TMC5: variants seen among roughly 807,000 people sequenced by gnomAD.
TMC5 encodes the protein transmembrane channel-like protein 5.
In TMC5, 86 loss-of-function variants were observed where a neutral mutation model predicts 110.5. The ratio of observed to expected loss-of-function variants is 0.78; its 90% CI spans 0.65 to 0.93. The LOEUF is 0.93. Ranked by LOEUF, TMC5 falls within the 40% of genes least tolerant of loss-of-function variation. The pLI, the probability that TMC5 is intolerant of heterozygous loss-of-function variation, is 0.00. For synonymous variants in TMC5, 455 were observed against 439.5 expected, an observed-to-expected ratio of 1.04 and a Z score of -0.44; for missense variants, 1,144 against 1,222.8, an observed-to-expected ratio of 0.94 and a Z score of 0.96.
chr16:19,446,058 A>C, intron 4 of TMC5, among the ~76,000 whole-genome samples: 1 of 52,530 alleles, frequency 1.9e-5, no homozygotes. Flanking sequence ...AAAGGAAGGG[A>C]GTGGAGGGGA....
intron 5 of TMC5, among the ~76,000 whole-genome samples, chr16:19,457,720 T>TTTTTTTTTTTTG (rs1967920167): frequency 1.2e-5 from 1 of 86,052 alleles, no homozygotes; most frequent in Non-Finnish European, 2.1e-5. Context: ...TTTTTTTTTT[T>TTTTTTTTTTTTG]TTTTTTTTTT....
At chr16:19,465,814 C>T (rs1244038062) in intron 8 of TMC5, among the ~76,000 whole-genome samples, 2 of 152,144 alleles carry the variant, frequency 1.3e-5, no homozygotes, top group Non-Finnish European at 2.9e-5. Flanking sequence ...GCCTGGCTGT[C>T]GTGTTCTTGC....
In TMC5 at chr16:19,468,060, C is replaced by T. The variant is rs190610927; in HGVS notation, c.1638-1621C>T. ...TGTGATCTTGGCTCACTGCAACCTC[C>T]GCTTCTCGGGTTCAAGTGATTCTCC... On this transcript the variant is annotated intron_variant, in intron 9 of 21. Coordinates refer to ENST00000542583, the MANE Select transcript of TMC5 (RefSeq NM_001261841.2). Among the ~76,000 whole-genome samples, 715 of 152,096 alleles carry T rather than the reference C, an allele frequency of 4.7e-3. 4 individuals carry two copies. Among genetic ancestry groups the T allele is most frequent in the African/African-American group, 0.016 (679 of 41,476 alleles).
chr16:19,487,156 G>T, intron 16 of TMC5, 37 bp from the exon 17 acceptor site: 1 of 1,604,388 alleles, frequency 6.2e-7, no homozygotes, highest in Admixed American at 1.7e-5. Flanking sequence ...CCGCTGCTCC[G>T]GCTGCAGATG....
Position 19,472,145 on chromosome 16 carries a change from A to AC in TMC5, c.1843dup (p.Arg615ProfsTer28), listed in dbSNP as rs1285466760. On this transcript the variant is annotated frameshift_variant, in exon 11 of 22. Transcript: ENST00000542583. LOFTEE classifies it high-confidence loss of function. ...CAAGTTGACGTTCAATCAGCTGCTG[A>AC]CCCGCTTCTCTGCCTACATGGTAGC... 1 of 1,614,032 alleles carries AC rather than the reference A, an allele frequency of 6.2e-7. No individual in the cohort carries two copies. Among genetic ancestry groups the AC allele is most frequent in the Admixed American group, 1.7e-5 (1 of 60,002 alleles).
chr16:19,488,231 TA>T (rs1037346982), intron 17 of TMC5, among the ~76,000 whole-genome samples: 1 of 152,022 alleles, frequency 6.6e-6, no homozygotes, highest in African/African-American at 2.4e-5. Flanking sequence ...AACATCAGAA[TA>T]AAAAGACATG....
chr16:19,479,945 A>G (rs79533449), intron 14 of TMC5, among the ~76,000 whole-genome samples: 5,876 of 150,980 alleles, frequency 0.039, 200 homozygotes, highest in East Asian at 0.13. Context: ...AAAAAAAAAA[A>G]AAGAAGAAGA....
Position 19,440,283 on chromosome 16 carries a change from A to T in TMC5, c.245A>T (p.Asp82Val). The T allele has an allele frequency of 6.2e-7, 1 of 1,614,104 alleles. No individual in the cohort carries two copies. Among genetic ancestry groups the T allele is most frequent in the African/African-American group, 1.3e-5 (1 of 74,992 alleles). ...TATCCTAGATCTCTGAGTAATCCAG[A>T]CTATTCTGGCACCAGAAGCAATGCA... ...PNYPRSLSNP[D>V]YSGTRSNAYS... is the part of the protein sequence containing the mutation. The change falls in exon 3 of 22, where the codon GAC becomes GTC. Residue 82 changes from aspartate (D) to valine (V), a missense_variant. Asp to Val is a radical substitution (Grantham distance 152). Coordinates refer to ENST00000542583, the MANE Select transcript of TMC5 (RefSeq NM_001261841.2).
Position 19,459,352 on chromosome 16 carries a change from A to AT in TMC5, c.1049-882dup, listed in dbSNP as rs150330602. On this transcript the variant is annotated intron_variant, in intron 5 of 21. Transcript: ENST00000542583. ...ATAGCATCTGCCACATTGACTGCAA[A>AT]TGTGAATATGAGTTAGCAGGAGAAA... 6.7e-3 allele frequency among the ~76,000 whole-genome samples: 1,015 copies of AT among 152,282 alleles called. 9 individuals carry two copies. The highest frequency in any genetic ancestry group is 0.023 in the African/African-American group (942 of 41,574).
At chr16:19,457,021 T>G (rs1164231467) in intron 5 of TMC5, 3 of 1,592,894 alleles carry the variant, frequency 1.9e-6, no homozygotes, top group Admixed American at 1.7e-5. Flanking sequence ...TTCAAGGTAG[T>G]GAAATGCTGG....
intron 17 of TMC5, among the ~76,000 whole-genome samples, chr16:19,488,490 C>T (rs1360331341): frequency 6.6e-6 from 1 of 152,092 alleles, no homozygotes; most frequent in Non-Finnish European, 1.5e-5. Context: ...CCCACCTCTC[C>T]AACCCCACTT....
At position 19,493,813 on chromosome 16, in the gene TMC5, C is replaced by G. The variant is rs116041579; in HGVS notation, c.2827-449C>G. Among the ~76,000 whole-genome samples the G allele has an allele frequency of 3.6e-3, 544 of 152,328 alleles. 4 individuals carry two copies. Among genetic ancestry groups the G allele is most frequent in the African/African-American group, 0.013 (524 of 41,572 alleles). On this transcript the variant is annotated intron_variant, in intron 19 of 21. Coordinates refer to ENST00000542583, the MANE Select transcript of TMC5 (RefSeq NM_001261841.2). ...AACCATTTACCACTTCCCCTCCCCA[C>G]TTCCTCTTTTCTTTTTATTGTTAAA...
chr16:19,496,887 C>CAAAAAAAAAAAA (rs67040638), intron 20 of TMC5, among the ~76,000 whole-genome samples: 20 of 80,242 alleles, frequency 2.5e-4, no homozygotes, highest in African/African-American at 1.0e-3. Context: ...AAGACTCTGT[C>CAAAAAAAAAAAA]AAAAAAAAAA....
intron 17 of TMC5, among the ~76,000 whole-genome samples, chr16:19,490,119 C>T (rs1032592038): frequency 1.3e-5 from 2 of 152,116 alleles, no homozygotes; most frequent in Non-Finnish European, 2.9e-5. Context: ...AGTCTGACTG[C>T]CCCCATTCAT....
At chr16:19,460,374 C>G in intron 6 of TMC5, 40 bp downstream of exon 6, 2 of 1,397,666 alleles carry the variant, frequency 1.4e-6, no homozygotes, top group South Asian at 2.4e-5. Context: ...AGATTTCATG[C>G]GAACCTCAAT....
chr16:19,451,335 T>G (rs1239827659), intron 5 of TMC5, among the ~76,000 whole-genome samples: 2 of 152,172 alleles, frequency 1.3e-5, no homozygotes, highest in Non-Finnish European at 2.9e-5. Flanking sequence ...AGCCTCATCC[T>G]TCAAGAGATG....
At chr16:19,486,381 C>A (rs554967875) in intron 15 of TMC5, among the ~76,000 whole-genome samples, 2 of 152,098 alleles carry the variant, frequency 1.3e-5, no homozygotes, top group South Asian at 4.2e-4. Context: ...CTAATCTCTT[C>A]TTTTTTTGTT....
At position 19,498,209 on chromosome 16, in the gene TMC5, A is replaced by T. The variant is rs932512936; in HGVS notation, c.*243A>T. 2.4e-5 allele frequency: 12 copies of T among 510,478 alleles called. No homozygotes were observed. Among genetic ancestry groups the T allele is most frequent in the African/African-American group, 2.3e-4 (12 of 51,140 alleles). The allele number at this position is 510,478 out of a possible 1,614,324, so 31.6% of individuals were successfully genotyped here. ...GGGGTTTTCCAATAAAGATTGTTGT[A>T]ATATTGAAATGAGCCTACAAAAACC... On this transcript the variant is annotated 3_prime_UTR_variant, in exon 22 of 22. Transcript: ENST00000542583.
At chr16:19,475,389 T>C (rs1645692272) in intron 12 of TMC5, among the ~76,000 whole-genome samples, 1 of 150,942 alleles carries the variant, frequency 6.6e-6, no homozygotes, top group African/African-American at 2.4e-5. Context: ...GCCACTGCAC[T>C]CCAGCCTGGG....
Sources: allele counts gnomAD v4.1 joint callset (sites outside exome capture counted in the v4.1 genomes callset), GRCh38; gene constraint gnomAD v4.1.1; transcripts MANE v1.5; gene names NCBI Gene and HGNC (gene_info 2026-07-23, HGNC 2026-07-21).